Variants in DAW1 observed in about 807,000 individuals in gnomAD.
DAW1 encodes dynein assembly factor with WD repeat domains 1.
A neutral mutation model predicts 56.5 loss-of-function variants in DAW1; 47 were observed. The observed-to-expected ratio is 0.83, with a 90% CI of 0.66 to 1.06. The LOEUF (loss-of-function observed/expected upper bound fraction) is 1.06, where lower values mean the gene tolerates loss of function less well. Ranked by LOEUF, DAW1 falls within the 50% of genes least tolerant of loss-of-function variation. The pLI is 0.00. For synonymous variants in DAW1, 190 were observed against 179.0 expected, an observed-to-expected ratio of 1.06 and a Z score of -0.49; for missense variants, 505 against 499.3, an observed-to-expected ratio of 1.01 and a Z score of -0.11.
At chr2:227,897,713 T>A (rs1332537459) in intron 5 of DAW1, among the ~76,000 whole-genome samples, 3 of 152,222 alleles carry the variant, frequency 2.0e-5, no homozygotes, top group East Asian at 1.9e-4. Context: ...CATTATTTCC[T>A]TAAGAGGACA....
chr2:227,918,492 A>G (rs1450523755), intron 10 of DAW1, among the ~76,000 whole-genome samples: 1 of 151,898 alleles, frequency 6.6e-6, no homozygotes, highest in East Asian at 1.9e-4. Context: ...TTTTTCTCTT[A>G]AAGTTTTTTC....
chr2:227,893,665 C>A, intron 4 of DAW1, 130 bp from the exon 5 acceptor site: 1 of 1,386,238 alleles, frequency 7.2e-7, no homozygotes. Flanking sequence ...GAGCGAGACT[C>A]CCTCTTAAAC....
At chr2:227,885,445 A>G in intron 2 of DAW1, 22 bp downstream of exon 2, 1 of 1,574,674 alleles carries the variant, frequency 6.4e-7, no homozygotes, top group Non-Finnish European at 8.6e-7. Context: ...GTAGGATTCA[A>G]CAAATAAATG....
At chr2:227,898,469 C>T (rs760109585) in intron 6 of DAW1, among the ~76,000 whole-genome samples, 188 bp downstream of exon 6, 291 of 151,976 alleles carry the variant, frequency 1.9e-3, no homozygotes, top group Non-Finnish European at 3.3e-3. Context: ...TACGGGCGCC[C>T]GCCACCACGC....
intron 10 of DAW1, among the ~76,000 whole-genome samples, chr2:227,915,338 T>C (rs568610533): frequency 6.6e-6 from 1 of 152,204 alleles, no homozygotes; most frequent in East Asian, 1.9e-4. Flanking sequence ...TGTTACTCTA[T>C]GTATGTGTCA....
chr2:227,875,033 G>C (rs1446137867), intron 1 of DAW1, among the ~76,000 whole-genome samples: 1 of 152,054 alleles, frequency 6.6e-6, no homozygotes, highest in Non-Finnish European at 1.5e-5. Flanking sequence ...GAGTACCTGA[G>C]TGCCCACCCG....
chr2:227,922,275 C>T (rs1692127552), intron 12 of DAW1, among the ~76,000 whole-genome samples: 2 of 152,230 alleles, frequency 1.3e-5, no homozygotes, highest in Admixed American at 1.3e-4. Flanking sequence ...TGTTTTCTCC[C>T]CTGCTAAAGC....
chr2:227,873,327 C>T (rs1379498761), intron 1 of DAW1, among the ~76,000 whole-genome samples: 1 of 152,174 alleles, frequency 6.6e-6, no homozygotes, highest in Non-Finnish European at 1.5e-5. Context: ...CTGCCCCTTT[C>T]CCATTTAATG....
intron 10 of DAW1, among the ~76,000 whole-genome samples, chr2:227,912,739 TG>T (rs1352672272): frequency 6.6e-6 from 1 of 152,228 alleles, no homozygotes; most frequent in Non-Finnish European, 1.5e-5. Context: ...TGGCATATTC[TG>T]GGTTATCTCC....
chr2:227,924,136 G>C lies in DAW1; in HGVS notation c.*168G>C. Reference sequence around the variant, plus strand: ...AGATATGACCATTAAACATGACAAAGTTATGCCACTCCAATATTATTATTT... The same window carrying C: ...AGATATGACCATTAAACATGACAAACTTATGCCACTCCAATATTATTATTT... On this transcript the variant is annotated 3_prime_UTR_variant, in exon 13 of 13. Coordinates refer to ENST00000309931, the MANE Select transcript of DAW1 (RefSeq NM_178821.3). 1 of 740,010 alleles carries C rather than the reference G, an allele frequency of 1.4e-6. No homozygotes were observed. Among genetic ancestry groups the C allele is most frequent in the Non-Finnish European group, 2.2e-6 (1 of 445,968 alleles). The allele number at this position is 740,010 out of a possible 1,614,324, so 45.8% of individuals were successfully genotyped here. A position where few individuals can be genotyped will look rare whatever the true frequency, so the allele number is the denominator to read the frequency against.
chr2:227,915,824 A>G (rs1691938068), intron 10 of DAW1, among the ~76,000 whole-genome samples: 1 of 152,080 alleles, frequency 6.6e-6, no homozygotes. Context: ...CACTGTATCT[A>G]CTTCCTCTTC....
At position 227,907,404 on chromosome 2, in the gene DAW1, G is replaced by C. The variant is rs188294198; in HGVS notation, c.973+152G>C. 2,190 of 619,106 alleles carry C rather than the reference G, an allele frequency of 3.5e-3. 7 individuals carry two copies. The highest frequency in any genetic ancestry group is 6.5e-3 in the Middle Eastern group (17 of 2,612). 38.4% of individuals were successfully genotyped at this position (619,106 alleles called of 1,614,324 possible). A position where few individuals can be genotyped will look rare whatever the true frequency, so the allele number is the denominator to read the frequency against. On this transcript the variant is annotated intron_variant, in intron 10 of 12. Coordinates refer to ENST00000309931, the MANE Select transcript of DAW1 (RefSeq NM_178821.3). ...TATCGTGACCATGTATGGCACAATA[G>C]TGTGTCTATATCATATACCTGATAA...
chr2:227,871,776 C>A, intron 1 of DAW1, 47 bp downstream of exon 1: 1 of 1,610,962 alleles, frequency 6.2e-7, no homozygotes, highest in African/African-American at 1.3e-5. Flanking sequence ...ACCCTGGGCT[C>A]CCAGACTGGG....
intron 2 of DAW1, among the ~76,000 whole-genome samples, chr2:227,888,071 G>A (rs1394898506): frequency 1.3e-5 from 2 of 152,146 alleles, no homozygotes; most frequent in African/African-American, 4.8e-5. Flanking sequence ...GTTTATCCAA[G>A]TTATTATTAT....
chr2:227,898,953 A>G (rs146376344), intron 6 of DAW1, among the ~76,000 whole-genome samples: 122 of 152,354 alleles, frequency 8.0e-4, no homozygotes, highest in Middle Eastern at 3.4e-3. Flanking sequence ...TTAAACTACT[A>G]TGTGAAATAT....
chr2:227,898,041 A>T lies in DAW1; in HGVS notation c.441-141A>T, dbSNP rs1691455219. On this transcript the variant is annotated intron_variant, in intron 5 of 12. Coordinates refer to ENST00000309931, the MANE Select transcript of DAW1 (RefSeq NM_178821.3). ...TCAAAAATTAGACTTTTATTTTATT[A>T]TCCACTGAAACAAATTTAAGATTGC... 4 of 369,664 alleles carry T rather than the reference A, an allele frequency of 1.1e-5. No individual in the cohort carries two copies. The East Asian group carries it at 1.8e-4, about 17-fold the overall frequency. 22.9% of individuals were successfully genotyped at this position (369,664 alleles called of 1,614,324 possible). A position where few individuals can be genotyped will look rare whatever the true frequency, so the allele number is the denominator to read the frequency against.
chr2:227,879,376 A>G (rs1431309956), intron 1 of DAW1, among the ~76,000 whole-genome samples: 1 of 152,072 alleles, frequency 6.6e-6, no homozygotes, highest in African/African-American at 2.4e-5. Context: ...CTGTCTTTGT[A>G]AGTTGACCGC....
intron 4 of DAW1, 138 bp downstream of exon 4, chr2:227,891,451 A>G: frequency 7.2e-6 from 5 of 698,316 alleles, no homozygotes; most frequent in Non-Finnish European, 1.2e-5. Flanking sequence ...GAGGAGAAAT[A>G]TAAACCCTTT....
At chr2:227,895,658 G>C (rs892013867) in intron 5 of DAW1, 1 of 152,220 alleles carries the variant, frequency 6.6e-6, no homozygotes, top group Non-Finnish European at 1.5e-5. Context: ...GTGACTCAGT[G>C]GCCAGTCTCT....
Sources: gnomAD v4.1 joint callset for allele counts (sites outside exome capture counted in the v4.1 genomes callset) on GRCh38, gnomAD v4.1.1 for gene constraint, MANE v1.5 for transcripts, NCBI Gene and HGNC (gene_info 2026-07-23, HGNC 2026-07-21) for gene names.